The following TRAPPC9 variants were observed in gnomAD, a reference collection of about 807,000 sequenced individuals.
The protein encoded by TRAPPC9 is trafficking protein particle complex subunit 9.
A neutral mutation model predicts 124.0 loss-of-function variants in TRAPPC9; 83 were observed. The ratio of observed to expected loss-of-function variants is 0.67; its 90% CI spans 0.56 to 0.80. TRAPPC9 has a LOEUF of 0.80. Ranked by LOEUF, TRAPPC9 falls within the 30% of genes least tolerant of loss-of-function variation. The pLI, the probability that TRAPPC9 is intolerant of heterozygous loss-of-function variation, is 0.00. For missense variants in TRAPPC9, 1,302 were observed against 1,508.3 expected (o/e 0.86, Z 2.27); for synonymous variants, 638 against 617.5 (o/e 1.03, Z -0.49).
chr8:140,087,438 T>A lies in TRAPPC9; in HGVS notation c.2557-63359A>T, dbSNP rs929293749. Among the ~76,000 whole-genome samples the A allele has an allele frequency of 1.3e-5, 2 of 152,128 alleles. No homozygotes were observed. The highest frequency in any genetic ancestry group is 4.8e-5 in the African/African-American group (2 of 41,432). On this transcript the variant is annotated intron_variant, in intron 17 of 22. Coordinates refer to ENST00000438773, the MANE Select transcript of TRAPPC9 (RefSeq NM_001160372.4). This position sits in a 1 kb window ranked among gnomAD's most constrained non-coding sequence, Gnocchi z 4.6. ...GAGCACAGATGGAACACCAACAGGC[T>A]CCCGCACAGCCCCGCTGAAGAGCCG...
At chr8:139,843,443 T>C (rs1350651059) in intron 21 of TRAPPC9, among the ~76,000 whole-genome samples, 2 of 152,200 alleles carry the variant, frequency 1.3e-5, no homozygotes, top group African/African-American at 2.4e-5. Flanking sequence ...CTGTCATTCA[T>C]AGCAGGTGTG....
chr8:140,457,511 C>A, intron 1 of TRAPPC9, 128 bp downstream of exon 1: 1 of 796,278 alleles, frequency 1.3e-6, no homozygotes, highest in Non-Finnish European at 1.5e-6. Context: ...GTGTGGCGGG[C>A]TCCGCCCGGA....
At chr8:140,035,078 G>A (rs968787455) in intron 17 of TRAPPC9, among the ~76,000 whole-genome samples, 1 of 152,232 alleles carries the variant, frequency 6.6e-6, no homozygotes, top group Non-Finnish European at 1.5e-5. Flanking sequence ...ACTGTGGAAG[G>A]GATGATTTTA....
chr8:139,978,704 T>C (rs1429586211), intron 19 of TRAPPC9, among the ~76,000 whole-genome samples: 1 of 152,210 alleles, frequency 6.6e-6, no homozygotes, highest in Non-Finnish European at 1.5e-5. Flanking sequence ...CACACAGCGA[T>C]GGCTGTGTCT....
rs183599959 is a variant in TRAPPC9, at chr8:140,405,547, G to A, written c.1008+30C>T. The A allele has an allele frequency of 5.6e-5, 91 of 1,612,744 alleles. 2 individuals are homozygous for A. The Admixed American group carries it at 1.5e-3, about 26-fold the overall frequency. ...ACTTCTGATTAAACAACACAACTGT[G>A]TAAAAAAAATCACAAAGCCATAAAA... On this transcript the variant is annotated intron_variant, in intron 6 of 22. Transcript: ENST00000438773.
At chr8:139,823,424 G>A (rs1434999303) in intron 21 of TRAPPC9, among the ~76,000 whole-genome samples, 2 of 152,188 alleles carry the variant, frequency 1.3e-5, no homozygotes, top group East Asian at 3.9e-4. Flanking sequence ...AGACCAAGGT[G>A]CCCAGGGTGT....
intron 19 of TRAPPC9, among the ~76,000 whole-genome samples, chr8:139,927,961 G>A (rs908295348): frequency 5.9e-5 from 9 of 152,170 alleles, no homozygotes; most frequent in Admixed American, 4.6e-4. Context: ...CTGCAAAAGG[G>A]CACAAAGAAC....
chr8:139,895,395 G>T (rs114182820), intron 20 of TRAPPC9, among the ~76,000 whole-genome samples: 1 of 152,062 alleles, frequency 6.6e-6, no homozygotes, highest in Non-Finnish European at 1.5e-5. Flanking sequence ...AAAAAATTAC[G>T]GTAAAAAGGG....
chr8:139,924,846 G>A (rs1832713194), intron 19 of TRAPPC9, among the ~76,000 whole-genome samples: 1 of 152,144 alleles, frequency 6.6e-6, no homozygotes, highest in Admixed American at 6.5e-5. Context: ...TCTTTTACAG[G>A]CCTAGAACTC....
At chr8:140,261,335 G>A (rs114093951) in intron 15 of TRAPPC9, among the ~76,000 whole-genome samples, 4,178 of 152,308 alleles carry the variant, frequency 0.027, 172 homozygotes, top group African/African-American at 0.095. Flanking sequence ...TAAAGAAGAT[G>A]TAGCCCCTGC....
intron 20 of TRAPPC9, 138 bp from the exon 21 acceptor site, chr8:139,886,107 C>A: frequency 1.2e-6 from 1 of 801,720 alleles, no homozygotes; most frequent in African/African-American, 1.7e-5. Flanking sequence ...ACTGTCTAAC[C>A]AACCACTATG....
chr8:140,382,918 G>A (rs1165773895), intron 7 of TRAPPC9, among the ~76,000 whole-genome samples: 1 of 152,200 alleles, frequency 6.6e-6, no homozygotes, highest in Non-Finnish European at 1.5e-5. Flanking sequence ...CCCCCCAGTA[G>A]GAACAGACTG....
At chr8:140,053,559 T>C (rs1842119193) in intron 17 of TRAPPC9, among the ~76,000 whole-genome samples, 2 of 152,230 alleles carry the variant, frequency 1.3e-5, no homozygotes, top group African/African-American at 4.8e-5. Flanking sequence ...ATGTTCTGTG[T>C]AGATCTGTTA....
At chr8:139,784,475 G>A (rs1266249210) in intron 21 of TRAPPC9, among the ~76,000 whole-genome samples, 2 of 151,850 alleles carry the variant, frequency 1.3e-5, no homozygotes, top group African/African-American at 2.4e-5. Context: ...TCAGGGGGCT[G>A]AGGCAGCAGA....
intron 21 of TRAPPC9, among the ~76,000 whole-genome samples, chr8:139,828,859 T>C (rs1396994138): frequency 6.6e-6 from 1 of 152,298 alleles, no homozygotes; most frequent in Non-Finnish European, 1.5e-5. Context: ...GCAATATTTA[T>C]ACAAATACAT....
chr8:140,382,908 C>A (rs185921575), intron 7 of TRAPPC9, among the ~76,000 whole-genome samples: 7 of 152,272 alleles, frequency 4.6e-5, no homozygotes, highest in Non-Finnish European at 8.8e-5. Flanking sequence ...GGGGGAGGCA[C>A]CCCCCAGTAG....
intron 9 of TRAPPC9, among the ~76,000 whole-genome samples, chr8:140,321,647 A>G (rs907323739): frequency 1.3e-5 from 2 of 152,102 alleles, no homozygotes; most frequent in Non-Finnish European, 2.9e-5. Flanking sequence ...GGGGAAGGAG[A>G]AAAGGGCTGA....
chr8:139,809,733 C>T (rs911686272), intron 21 of TRAPPC9, among the ~76,000 whole-genome samples: 3 of 152,140 alleles, frequency 2.0e-5, no homozygotes, highest in Non-Finnish European at 4.4e-5. Flanking sequence ...GCACCATCCT[C>T]TCCCAGCCAC....
chr8:140,055,634 C>T (rs11166947), intron 17 of TRAPPC9, among the ~76,000 whole-genome samples: 109,377 of 152,126 alleles, frequency 0.72, 40,241 homozygotes, highest in African/African-American at 0.89. Context: ...TACAAGCTAT[C>T]AGAACTGCTA....
Sources: allele counts gnomAD v4.1 joint callset (sites outside exome capture counted in the v4.1 genomes callset), GRCh38; gene constraint gnomAD v4.1.1; non-coding constraint Gnocchi (gnomAD v3.1); transcripts MANE v1.5; gene names NCBI Gene and HGNC (gene_info 2026-07-23, HGNC 2026-07-21).